Variants in HEATR9 observed in about 807,000 individuals in gnomAD.
HEATR9 encodes the protein protein HEATR9.
Under a neutral mutation model 68.2 loss-of-function variants are expected in HEATR9, and 54 were observed. The ratio of observed to expected loss-of-function variants is 0.79; its 90% CI spans 0.64 to 0.99. The LOEUF (loss-of-function observed/expected upper bound fraction) is 0.99, where lower values mean the gene tolerates loss of function less well. Ranked by LOEUF, HEATR9 falls within the 50% of genes least tolerant of loss-of-function variation. HEATR9 has a pLI of 0.00. For missense variants in HEATR9, 662 were observed against 679.7 expected, an observed-to-expected ratio of 0.97 and a Z score of 0.29; for synonymous variants, 241 against 253.5, an observed-to-expected ratio of 0.95 and a Z score of 0.47.
In HEATR9 at chr17:35,868,573, C is replaced by T. The variant is rs117034686; in HGVS notation, c.88+82G>A. Reference sequence around the variant, plus strand: ...AAGGGTTTGCTGAACTCACCTAGACCCTTGCCTGGGAGTGAGAGCCAGGTA... The same window carrying T: ...AAGGGTTTGCTGAACTCACCTAGACTCTTGCCTGGGAGTGAGAGCCAGGTA... On this transcript the variant is annotated intron_variant, in intron 1 of 14. Coordinates refer to ENST00000604834, the MANE Select transcript of HEATR9 (RefSeq NM_152781.4). 2.6e-3 allele frequency: 4,111 copies of T among 1,594,316 alleles called. 92 individuals carry two copies. In the East Asian group the frequency reaches 0.059, roughly 23 times the overall value.
At chr17:35,868,144 C>T (rs1482118375) in intron 1 of HEATR9, among the ~76,000 whole-genome samples, 1 of 152,200 alleles carries the variant, frequency 6.6e-6, no homozygotes, top group Non-Finnish European at 1.5e-5. Context: ...TTGAGGACCA[C>T]TGTTCTAGCT....
chr17:35,858,974 G>C lies in HEATR9; in HGVS notation c.853C>G (p.Leu285Val), dbSNP rs2087878150. Reference sequence around the variant, plus strand: ...TTGCTGCAAGGCCTCAGGAAACCCAGGCACAGGGCTGCCTCCAGAGATGCT... The same window carrying C: ...TTGCTGCAAGGCCTCAGGAAACCCACGCACAGGGCTGCCTCCAGAGATGCT... The part of the protein sequence containing the change: ...SEASLEAALC[L>V]GFLRPCSNMV... Residue 285 changes from leucine to valine, a missense_variant, in exon 9 of 15, where the codon CTG (leucine) becomes GTG (valine). Transcript: ENST00000604834. The C allele has an allele frequency of 6.2e-7, 1 of 1,614,190 alleles. No individual in the cohort carries two copies. The highest frequency in any genetic ancestry group is 8.5e-7 in the Non-Finnish European group (1 of 1,180,046).
At chr17:35,861,065 T>C in intron 8 of HEATR9, 1 of 867,410 alleles carries the variant, frequency 1.2e-6, no homozygotes, top group Admixed American at 1.7e-5. Flanking sequence ...AAGAAATGGT[T>C]ACAGAGATTT....
rs531157877 is a variant in HEATR9, at chr17:35,861,370, T to C, written c.756+1625A>G. Reference sequence around the variant, plus strand: ...ATGTTTTTAAAATTCAAATGAATTATCCACTGTAAGCTCTTTACCAGCTGC... The same window carrying C: ...ATGTTTTTAAAATTCAAATGAATTACCCACTGTAAGCTCTTTACCAGCTGC... On this transcript the variant is annotated intron_variant, in intron 8 of 14. Coordinates refer to ENST00000604834, the MANE Select transcript of HEATR9 (RefSeq NM_152781.4). The C allele has an allele frequency of 1.5e-5, 24 of 1,584,696 alleles. No homozygotes were observed. In the East Asian group the frequency reaches 2.5e-4, roughly 16 times the overall value.
At chr17:35,860,201 A>G (rs1045108698) in intron 8 of HEATR9, among the ~76,000 whole-genome samples, 6 of 151,180 alleles carry the variant, frequency 4.0e-5, no homozygotes, top group African/African-American at 1.5e-4. Flanking sequence ...TCGAGACCAC[A>G]GTGAAACCCC....
rs1466350406 is a variant in HEATR9 at position 35,863,507 on chromosome 17, A to T, written c.620T>A (p.Ile207Asn). The T allele has an allele frequency of 6.2e-7, 1 of 1,613,992 alleles. No homozygotes were observed. The highest frequency in any genetic ancestry group is 1.3e-5 in the African/African-American group (1 of 74,938). ...VKYEAYRTLA[I>N]LGCLNKHVIR... ...AAGGGAGAAGACATACTCACCCAGG[A>T]TGGCCAGGGTTCGGTAGGCCTCGTA... Residue 207 changes from isoleucine to asparagine, a missense_variant, in exon 7 of 15, where the codon ATC becomes AAC. Coordinates refer to ENST00000604834, the MANE Select transcript of HEATR9 (RefSeq NM_152781.4).
chr17:35,868,606 T>C, intron 1 of HEATR9, 49 bp downstream of exon 1: 1 of 1,612,896 alleles, frequency 6.2e-7, no homozygotes, highest in East Asian at 2.2e-5. Context: ...GTAGCATTTC[T>C]TTTTCAGTCC....
chr17:35,855,340 A>C lies in HEATR9; in HGVS notation c.1436T>G (p.Leu479Arg), dbSNP rs2087733545. ...GGTCTTAGGTGCCTCATATACAGAG[A>C]GAACCTTGTTTTTCAGCTTGTTTTG... ...WIQNKLKNKV[L>R]SVYEAPKTNV... is the part of the protein sequence containing the mutation. Residue 479 changes from leucine (L) to arginine (R), a missense_variant, in exon 15 of 15, where the codon CTC (leucine) becomes CGC (arginine). Coordinates refer to ENST00000604834, the MANE Select transcript of HEATR9 (RefSeq NM_152781.4). The C allele has an allele frequency of 6.2e-7, 1 of 1,614,062 alleles. No individual in the cohort carries two copies. Among genetic ancestry groups the C allele is most frequent in the African/African-American group, 1.3e-5 (1 of 74,934 alleles).
rs553265478 is a variant in HEATR9, at chr17:35,861,151, G to C, written c.756+1844C>G. 2.0e-4 allele frequency: 314 copies of C among 1,549,096 alleles called. 4 individuals carry two copies. In the South Asian group the frequency reaches 3.5e-3, roughly 17 times the overall value. ...CTCTTCCAACTGCTTCCCTTTGCCT[G>C]CAAGAGGGGCTCGGATAAGATGGAT... On this transcript the variant is annotated intron_variant, in intron 8 of 14. Coordinates refer to ENST00000604834, the MANE Select transcript of HEATR9 (RefSeq NM_152781.4).
chr17:35,861,118 A>T, intron 8 of HEATR9: 2 of 1,161,954 alleles, frequency 1.7e-6, no homozygotes, highest in South Asian at 2.4e-5. Context: ...TAACTGTTGT[A>T]CCATTTTCTC....
At chr17:35,866,448 A>G (rs2088200927) in intron 2 of HEATR9, among the ~76,000 whole-genome samples, 1 of 152,198 alleles carries the variant, frequency 6.6e-6, no homozygotes, top group African/African-American at 2.4e-5. Flanking sequence ...TTAACTAATA[A>G]AAATGACTTC....
chr17:35,856,918 T>A, intron 11 of HEATR9, 113 bp from the exon 12 acceptor site: 1 of 956,718 alleles, frequency 1.0e-6, no homozygotes, highest in Non-Finnish European at 1.6e-6. Context: ...GTCCCTGCCT[T>A]AAGGAGCTCA....
chr17:35,859,629 G>A (rs1272850733), intron 8 of HEATR9, among the ~76,000 whole-genome samples: 3 of 152,106 alleles, frequency 2.0e-5, no homozygotes, highest in African/African-American at 7.2e-5. Flanking sequence ...CTCACCCTCA[G>A]CTCCCTTACC....
At position 35,864,477 on chromosome 17, in the gene HEATR9, C is replaced by T; in HGVS notation, c.510+20G>A. On this transcript the variant is annotated intron_variant, in intron 5 of 14. Transcript: ENST00000604834. ...AACTCCTGGCTGTAACCACCCTCCT[C>T]TATCCTTGCCTCTTCTCACCTGTGC... 1.2e-6 allele frequency: 2 copies of T among 1,612,240 alleles called. No individual in the cohort carries two copies. The highest frequency in any genetic ancestry group is 1.7e-6 in the Non-Finnish European group (2 of 1,178,964).
chr17:35,857,947 A>G (rs776378097), intron 11 of HEATR9, among the ~76,000 whole-genome samples: 6 of 152,128 alleles, frequency 3.9e-5, no homozygotes, highest in Non-Finnish European at 7.4e-5. Context: ...GGGGAGACGG[A>G]TTACTTACTG....
intron 4 of HEATR9, 88 bp from the exon 5 acceptor site, chr17:35,864,641 T>C: frequency 6.3e-7 from 1 of 1,587,518 alleles, no homozygotes; most frequent in Non-Finnish European, 8.6e-7. Flanking sequence ...CCAATCCCTT[T>C]TCCTACCCTA....
intron 3 of HEATR9, 64 bp from the exon 4 acceptor site, chr17:35,864,954 TC>T: frequency 6.3e-7 from 1 of 1,599,616 alleles, no homozygotes. Context: ...GGTTGCAACC[TC>T]ACTTCTGCCA....
rs557917733 is a variant in HEATR9, at chr17:35,862,378, A to T, written c.756+617T>A. Among the ~76,000 whole-genome samples the T allele has an allele frequency of 8.4e-4, 128 of 152,318 alleles. 3 individuals carry two copies. The South Asian group carries it at 0.026, about 31-fold the overall frequency. ...GGATTTTCTTTTACATAGAGCAATG[A>T]TGGGGTCAAAGTAAGAGAACACTAA... On this transcript the variant is annotated intron_variant, in intron 8 of 14. Transcript: ENST00000604834.
intron 8 of HEATR9, among the ~76,000 whole-genome samples, chr17:35,862,385 C>T (rs930174589): frequency 6.6e-6 from 1 of 151,998 alleles, no homozygotes; most frequent in African/African-American, 2.4e-5. Flanking sequence ...ATGATGGGGT[C>T]AAAGTAAGAG....
Sources: allele counts gnomAD v4.1 joint callset (sites outside exome capture counted in the v4.1 genomes callset), GRCh38; gene constraint gnomAD v4.1.1; transcripts MANE v1.5; gene names NCBI Gene and HGNC (gene_info 2026-07-23, HGNC 2026-07-21).